Variants in RBFOX3 observed in about 807,000 individuals in gnomAD.
RBFOX3 encodes the protein RNA binding fox-1 homolog 3.
Under a neutral mutation model 48.7 loss-of-function variants are expected in RBFOX3, and 17 were observed. That is an observed-to-expected ratio of 0.35 (90% CI 0.24 to 0.52). The LOEUF is 0.52. RBFOX3 is among the 20% of genes least tolerant of loss of function. RBFOX3 has a pLI of 0.94. For missense variants in RBFOX3, 382 were observed against 497.5 expected (o/e 0.77, Z 2.21); for synonymous variants, 212 against 209.5 (o/e 1.01, Z -0.10).
At chr17:79,323,431 C>T (rs556461387) in intron 2 of RBFOX3, among the ~76,000 whole-genome samples, 10 of 152,290 alleles carry the variant, frequency 6.6e-5, no homozygotes, top group South Asian at 6.2e-4. Flanking sequence ...GATGGAGACA[C>T]GAGAGATGGT....
At chr17:79,411,995 T>TC (rs2064431067) in intron 2 of RBFOX3, among the ~76,000 whole-genome samples, 2 of 151,928 alleles carry the variant, frequency 1.3e-5, no homozygotes, top group African/African-American at 4.8e-5. Context: ...GTTATATAAA[T>TC]GTGTGTGCAG....
intron 3 of RBFOX3, among the ~76,000 whole-genome samples, chr17:79,246,980 C>T (rs1257511463): frequency 1.3e-5 from 2 of 152,158 alleles, no homozygotes; most frequent in African/African-American, 2.4e-5. Flanking sequence ...GAGCGCGTTT[C>T]ATTATCAACA....
chr17:79,441,247 G>T (rs1385085581), intron 2 of RBFOX3, among the ~76,000 whole-genome samples: 1 of 152,212 alleles, frequency 6.6e-6, no homozygotes, highest in African/African-American at 2.4e-5. Flanking sequence ...CTAGGCCAGG[G>T]TCCTGGGCGT....
chr17:79,125,511 A>T (rs11870294), intron 4 of RBFOX3, among the ~76,000 whole-genome samples: 1 of 152,080 alleles, frequency 6.6e-6, no homozygotes, highest in Admixed American at 6.5e-5. Context: ...CTGCCTGGTA[A>T]GGTCCCCCAG....
intron 2 of RBFOX3, among the ~76,000 whole-genome samples, chr17:79,420,095 C>T (rs1156472349): frequency 6.7e-6 from 1 of 149,340 alleles, no homozygotes; most frequent in Non-Finnish European, 1.5e-5. Flanking sequence ...CCACTGCACT[C>T]TAGCCTGGGC....
intron 2 of RBFOX3, among the ~76,000 whole-genome samples, chr17:79,350,270 T>C (rs547020080): frequency 6.6e-6 from 1 of 152,302 alleles, no homozygotes; most frequent in South Asian, 2.1e-4. Context: ...TAGGGGCTTC[T>C]GTCTGCTGCT....
At chr17:79,474,602 T>C (rs1005135979) in intron 2 of RBFOX3, among the ~76,000 whole-genome samples, 2 of 152,184 alleles carry the variant, frequency 1.3e-5, no homozygotes, top group Non-Finnish European at 2.9e-5. Flanking sequence ...ATTTGACTTT[T>C]GTATCCGTGA....
At chr17:79,530,793 C>T (rs967989477) in intron 1 of RBFOX3, among the ~76,000 whole-genome samples, 20 of 152,304 alleles carry the variant, frequency 1.3e-4, no homozygotes, top group African/African-American at 4.1e-4. Flanking sequence ...CCACAGAGGA[C>T]GGAGCCTCCG....
intron 3 of RBFOX3, among the ~76,000 whole-genome samples, chr17:79,276,260 AG>A (rs1211702879): frequency 1.3e-5 from 2 of 152,240 alleles, no homozygotes; most frequent in Non-Finnish European, 2.9e-5. Flanking sequence ...ATTCTGGGTG[AG>A]GAAACATTCT....
chr17:79,109,411 G>C (rs1366875146), intron 5 of RBFOX3, among the ~76,000 whole-genome samples: 1 of 152,216 alleles, frequency 6.6e-6, no homozygotes, highest in African/African-American at 2.4e-5. Flanking sequence ...GGCTCGACAG[G>C]GGTATGCGGG....
chr17:79,259,792 G>A (rs748350245), intron 3 of RBFOX3, among the ~76,000 whole-genome samples: 12 of 152,138 alleles, frequency 7.9e-5, no homozygotes, highest in Non-Finnish European at 1.6e-4. Flanking sequence ...CACAGTAGCC[G>A]CAGGGGCTCT....
chr17:79,662,157 A>T, the RBFOX3 span, among the ~76,000 whole-genome samples: 1 of 70,542 alleles, frequency 1.4e-5, no homozygotes, highest in African/African-American at 6.8e-5. Flanking sequence ...TCGGAGTCTC[A>T]CTCACTCCAG....
chr17:79,514,451 A>G (rs2084958479), intron 1 of RBFOX3, among the ~76,000 whole-genome samples: 1 of 152,226 alleles, frequency 6.6e-6, no homozygotes, highest in African/African-American at 2.4e-5. Flanking sequence ...ACATTCACAG[A>G]TGAGGTCACG....
At chr17:79,600,703 G>C (rs2093685752) in intron 1 of RBFOX3, 1 of 152,254 alleles carries the variant, frequency 6.6e-6, no homozygotes, top group Non-Finnish European at 1.5e-5. Flanking sequence ...CGAAGGCCCG[G>C]GGAAGCAGTC....
At chr17:79,663,929 C>T in the RBFOX3 span, among the ~76,000 whole-genome samples, 1 of 152,076 alleles carries the variant, frequency 6.6e-6, no homozygotes, top group Non-Finnish European at 1.5e-5. Context: ...TGGGAGAGAA[C>T]TGAGGCGTGA....
At chr17:79,559,102 C>T (rs1215510855) in intron 1 of RBFOX3, among the ~76,000 whole-genome samples, 1 of 152,164 alleles carries the variant, frequency 6.6e-6, no homozygotes, top group African/African-American at 2.4e-5. Context: ...CTGATGACCT[C>T]ACAATCTAGC....
At chr17:79,540,272 T>A (rs139664545) in intron 1 of RBFOX3, among the ~76,000 whole-genome samples, 23 of 152,318 alleles carry the variant, frequency 1.5e-4, no homozygotes, top group Non-Finnish European at 2.8e-4. Context: ...TTCAAACTCA[T>A]CCTGCTGAGA....
In RBFOX3 at chr17:79,579,619, G is replaced by A. The variant is rs987001900; in HGVS notation, c.-320+31207C>T. Among the ~76,000 whole-genome samples, 4 of 152,056 alleles carry A rather than the reference G, an allele frequency of 2.6e-5. No homozygotes were observed. The East Asian group carries it at 5.8e-4, about 22-fold the overall frequency. On this transcript the variant is annotated intron_variant, in intron 1 of 14. Coordinates refer to ENST00000693108, the MANE Select transcript of RBFOX3 (RefSeq NM_001350451.2). ...GGCTGGCGGGAGCTGGAGAGGACAG[G>A]CTGGGAGCCATCAGGAGATGGAGCA... is the stretch of plus-strand genomic sequence containing the variant.
intron 4 of RBFOX3, among the ~76,000 whole-genome samples, chr17:79,134,635 GA>G (rs1340581279): frequency 2.0e-5 from 3 of 152,234 alleles, no homozygotes; most frequent in Non-Finnish European, 2.9e-5. Context: ...TGCAGCCTCA[GA>G]ATCACAAACC....
Sources: gnomAD v4.1 joint callset for allele counts (sites outside exome capture counted in the v4.1 genomes callset) on GRCh38, gnomAD v4.1.1 for gene constraint, MANE v1.5 for transcripts, NCBI Gene and HGNC (gene_info 2026-07-23, HGNC 2026-07-21) for gene names.